Variants in MSN observed in about 807,000 individuals in gnomAD.
MSN encodes moesin.
A neutral mutation model predicts 48.0 loss-of-function variants in MSN; 2 were observed. That is an observed-to-expected ratio of 0.04 (90% CI 0.02 to 0.13). MSN has a LOEUF of 0.13. Ranked by LOEUF, MSN falls within the 10% of genes least tolerant of loss-of-function variation. MSN has a pLI of 1.00. For missense variants in MSN, 267 were observed against 470.1 expected, an observed-to-expected ratio of 0.57 and a Z score of 3.99; for synonymous variants, 146 against 166.9, an observed-to-expected ratio of 0.87 and a Z score of 0.97.
At chrX:65,642,784 C>T (rs763605085) in intron 1 of MSN, among the ~76,000 whole-genome samples, 1 of 111,241 alleles carries the variant, frequency 9.0e-6, no homozygotes, top group East Asian at 2.8e-4. Flanking sequence ...TGAGTCCATT[C>T]TTTTCTAGTT....
At chrX:65,700,690 G>T (rs2071293563) in intron 1 of MSN, among the ~76,000 whole-genome samples, 1 of 112,020 alleles carries the variant, frequency 8.9e-6, no homozygotes, top group Non-Finnish European at 1.9e-5. Flanking sequence ...ATAGCAGTTG[G>T]TTCCTTTCTT....
At chrX:65,617,168 CTTT>C (rs1052650471) in intron 1 of MSN, among the ~76,000 whole-genome samples, 161 of 105,151 alleles carry the variant, frequency 1.5e-3, no homozygotes, top group Non-Finnish European at 8.3e-4. Flanking sequence ...CTAAAATTCT[CTTT>C]TTTTGTTGTG....
intron 1 of MSN, among the ~76,000 whole-genome samples, chrX:65,675,474 A>G (rs1285234915): frequency 1.8e-5 from 2 of 110,524 alleles, no homozygotes; most frequent in South Asian, 3.9e-4. Flanking sequence ...CTTTATCTGA[A>G]GTGAAGGGAG....
chrX:65,614,138 C>T (rs1178680223), intron 1 of MSN, among the ~76,000 whole-genome samples: 1 of 111,744 alleles, frequency 8.9e-6, no homozygotes, highest in Non-Finnish European at 1.9e-5. Context: ...ATCCTTTCCC[C>T]ATTGCTTGTT....
chrX:65,631,565 T>C (rs1040457475), intron 1 of MSN, among the ~76,000 whole-genome samples: 1 of 112,427 alleles, frequency 8.9e-6, no homozygotes, highest in African/African-American at 3.2e-5. Flanking sequence ...CCTATATCAA[T>C]AGTTCATTCC....
chrX:65,716,911 A>G lies in MSN; in HGVS notation c.96+10A>G. On this transcript the variant is annotated intron_variant, in intron 2 of 12. Transcript: ENST00000360270. Reference sequence around the variant, plus strand: ...GCAGCTATTTGACCAGGTAAGGCGGAGACTCCTTAGCCTCCTCTCCTTCTC... The same window carrying G: ...GCAGCTATTTGACCAGGTAAGGCGGGGACTCCTTAGCCTCCTCTCCTTCTC... The G allele has an allele frequency of 1.7e-6, 2 of 1,199,447 alleles. No individual in the cohort carries two copies. Among genetic ancestry groups the G allele is most frequent in the Non-Finnish European group, 2.3e-6 (2 of 885,140 alleles).
intron 1 of MSN, among the ~76,000 whole-genome samples, chrX:65,597,219 C>G (rs1602705313): frequency 9.9e-6 from 1 of 100,904 alleles, no homozygotes. Flanking sequence ...TTCTTTCTTT[C>G]TTTTTTTTTT....
chrX:65,593,407 T>G (rs1326866248), intron 1 of MSN: 1 of 112,486 alleles, frequency 8.9e-6, no homozygotes, highest in Non-Finnish European at 1.9e-5. Flanking sequence ...AACTTTTAAA[T>G]AAAATATCCT....
intron 1 of MSN, among the ~76,000 whole-genome samples, chrX:65,688,804 T>C (rs974264532): frequency 3.6e-5 from 4 of 112,181 alleles, no homozygotes; most frequent in African/African-American, 1.3e-4. Flanking sequence ...GTTTTGCAAC[T>C]GGCTTCCTGT....
chrX:65,723,471 C>T (rs2071537103), intron 2 of MSN, among the ~76,000 whole-genome samples: 1 of 110,941 alleles, frequency 9.0e-6, no homozygotes, highest in Non-Finnish European at 1.9e-5. Flanking sequence ...TGGCTCAGAT[C>T]CGATAAGCTG....
Position 65,653,678 on chromosome X carries a change from A to G in MSN, c.-21-63140A>G, listed in dbSNP as rs986624507. Among the ~76,000 whole-genome samples the G allele has an allele frequency of 2.7e-5, 3 of 109,624 alleles. No individual in the cohort carries two copies. The South Asian group carries it at 1.2e-3, about 43-fold the overall frequency. On this transcript the variant is annotated intron_variant, in intron 1 of 3. Transcript: ENST00000609672. ...ATCCATGTGTATGGATAACATACAC[A>G]TGGCCAAACAAAGGCACATCTGGGG...
chrX:65,650,669 C>A (rs187457997), intron 1 of MSN, among the ~76,000 whole-genome samples: 319 of 112,289 alleles, frequency 2.8e-3, no homozygotes, highest in African/African-American at 9.3e-3. Flanking sequence ...CTATTTCCTG[C>A]CCTCATCAAA....
intron 1 of MSN, among the ~76,000 whole-genome samples, chrX:65,691,990 T>C (rs1019350630): frequency 8.9e-6 from 1 of 112,175 alleles, no homozygotes; most frequent in Admixed American, 9.4e-5. Context: ...TGGAGGTCAT[T>C]AGCCGTGGAG....
At chrX:65,642,351 GT>G (rs1370508826) in intron 1 of MSN, among the ~76,000 whole-genome samples, 1 of 63,133 alleles carries the variant, frequency 1.6e-5, no homozygotes, top group Admixed American at 1.6e-4. Flanking sequence ...GTACATTATG[GT>G]GTGTGTGTGT....
intron 1 of MSN, chrX:65,625,090 C>A (rs1335040674): frequency 8.9e-6 from 1 of 112,343 alleles, no homozygotes; most frequent in Non-Finnish European, 1.9e-5. Flanking sequence ...GCAAAATTTC[C>A]AGTTTTCCTT....
intron 1 of MSN, among the ~76,000 whole-genome samples, chrX:65,675,529 T>C (rs182345569): frequency 8.9e-6 from 1 of 111,789 alleles, no homozygotes; most frequent in East Asian, 2.8e-4. Context: ...GATATAAGCA[T>C]AGATGAAGCT....
intron 1 of MSN, among the ~76,000 whole-genome samples, chrX:65,686,799 G>A (rs992870740): frequency 1.8e-5 from 2 of 112,263 alleles, no homozygotes; most frequent in Non-Finnish European, 3.8e-5. Context: ...ATGTTAGCTC[G>A]TAGAAAATCA....
chrX:65,656,308 G>T (rs939824329), intron 1 of MSN, among the ~76,000 whole-genome samples: 6 of 107,146 alleles, frequency 5.6e-5, no homozygotes, highest in Non-Finnish European at 9.6e-5. Context: ...TGTGTGTATT[G>T]TGTTTGTTGT....
intron 12 of MSN, 80 bp downstream of exon 12, chrX:65,739,274 GGATAGGTATAA>G (rs909047922): frequency 2.1e-6 from 2 of 958,925 alleles, no homozygotes; most frequent in African/African-American, 3.8e-5. Flanking sequence ...CCATCATGGG[GGATAGGTATAA>G]GATCCTGTCC....
Sources: gnomAD v4.1 joint callset for allele counts (sites outside exome capture counted in the v4.1 genomes callset) on GRCh38, gnomAD v4.1.1 for gene constraint, MANE v1.5 for transcripts, NCBI Gene and HGNC (gene_info 2026-07-23, HGNC 2026-07-21) for gene names.